Variants in SCML4 observed in about 807,000 individuals in gnomAD.
SCML4 encodes Scm polycomb group protein like 4, also known as sex comb on midleg-like protein 4.
In SCML4, 34 loss-of-function variants were observed where a neutral mutation model predicts 41.1. The ratio of observed to expected loss-of-function variants is 0.83; its 90% CI spans 0.63 to 1.10. The LOEUF is 1.10. SCML4 is among the 50% of genes least tolerant of loss of function. SCML4 has a pLI of 0.00. For synonymous variants in SCML4, 214 were observed against 220.9 expected (o/e 0.97, Z 0.28); for missense variants, 522 against 534.1 (o/e 0.98, Z 0.22).
chr6:107,727,155 G>C (rs1305911003), intron 5 of SCML4, among the ~76,000 whole-genome samples: 1 of 152,156 alleles, frequency 6.6e-6, no homozygotes, highest in African/African-American at 2.4e-5. Context: ...CCAGCCACAA[G>C]AGACCACATG....
intron 6 of SCML4, chr6:107,718,659 T>G (rs1360102981): frequency 1.3e-5 from 2 of 152,132 alleles, no homozygotes; most frequent in Non-Finnish European, 2.9e-5. Context: ...TGTTGTTGAG[T>G]GAGTGATAGA....
In SCML4 at chr6:107,726,532, C is replaced by CAAAAAAAAAAAAAAAAAA. The variant is rs59013088; in HGVS notation, c.683-5557_683-5540dup. On this transcript the variant is annotated intron_variant, in intron 5 of 7. Coordinates refer to ENST00000369020, the MANE Select transcript of SCML4 (RefSeq NM_198081.5). ...CGGGCAACAGACCGAGACTCCATCT[C>CAAAAAAAAAAAAAAAAAA]AAAAAAAAAAAAAAAAAAAAAAAGA... Among the ~76,000 whole-genome samples, 3 of 72,378 alleles carry CAAAAAAAAAAAAAAAAAA rather than the reference C, an allele frequency of 4.1e-5. 1 individual carries two copies. The highest frequency in any genetic ancestry group is 6.3e-5 in the African/African-American group (1 of 15,770). 47.5% of individuals were successfully genotyped at this position (72,378 alleles called of 152,430 possible).
intron 5 of SCML4, among the ~76,000 whole-genome samples, chr6:107,732,568 C>T (rs1344976291): frequency 3.9e-5 from 6 of 152,160 alleles, no homozygotes; most frequent in Admixed American, 3.9e-4. Flanking sequence ...TGTTCTAAGC[C>T]TAGGGGTTGA....
At chr6:107,800,686 C>T (rs997346245) in intron 1 of SCML4, among the ~76,000 whole-genome samples, 2 of 152,164 alleles carry the variant, frequency 1.3e-5, no homozygotes, top group African/African-American at 4.8e-5. Context: ...TTTCTTTCCC[C>T]CTCTCTGTTA....
intron 5 of SCML4, among the ~76,000 whole-genome samples, chr6:107,744,249 T>C (rs984088274): frequency 6.6e-6 from 1 of 152,156 alleles, no homozygotes; most frequent in East Asian, 1.9e-4. Context: ...CCTGTTGACA[T>C]CTAGCCCCTT....
At position 107,720,620 on chromosome 6, in the gene SCML4, T is replaced by TC. The variant is rs777603414; in HGVS notation, c.973+82dup. The TC allele has an allele frequency of 4.8e-6, 7 of 1,448,368 alleles. No homozygotes were observed. The Admixed American group carries it at 1.0e-4, about 21-fold the overall frequency. The allele number at this position is 1,448,368 out of a possible 1,614,324, so 89.7% of individuals were successfully genotyped here. On this transcript the variant is annotated intron_variant, in intron 6 of 7. Coordinates refer to ENST00000369020, the MANE Select transcript of SCML4 (RefSeq NM_198081.5). The stretch of plus-strand genomic sequence containing the variant: ...CAGTCCCACGTTTAAACAGCCACAC[T>TC]CCCCCTTCCCCAGATGCTGTGCTCC...
chr6:107,766,232 T>C (rs528079187), intron 2 of SCML4, among the ~76,000 whole-genome samples: 6 of 152,210 alleles, frequency 3.9e-5, no homozygotes, highest in African/African-American at 1.4e-4. Context: ...TAGCCGGGCG[T>C]GGTGGTGCAC....
chr6:107,734,536 C>T (rs1776867882), intron 5 of SCML4, among the ~76,000 whole-genome samples: 1 of 152,156 alleles, frequency 6.6e-6, no homozygotes, highest in African/African-American at 2.4e-5. Context: ...AATAGAGAAT[C>T]CATTTTAAAT....
At chr6:107,725,089 T>C (rs923267003) in intron 5 of SCML4, among the ~76,000 whole-genome samples, 2 of 152,206 alleles carry the variant, frequency 1.3e-5, no homozygotes, top group Non-Finnish European at 2.9e-5. Context: ...GTTACAAATA[T>C]ATGGTTTTAT....
At chr6:107,779,793 C>CA (rs1213526305) in intron 1 of SCML4, among the ~76,000 whole-genome samples, 1 of 152,158 alleles carries the variant, frequency 6.6e-6, no homozygotes, top group African/African-American at 2.4e-5. Flanking sequence ...TCCCAAGGAT[C>CA]AAAATGCACT....
the SCML4 span, among the ~76,000 whole-genome samples, chr6:107,834,519 G>T: frequency 6.6e-6 from 1 of 152,214 alleles, no homozygotes; most frequent in African/African-American, 2.4e-5. Context: ...ACACTGAAGT[G>T]GGGTTCAGAT....
At chr6:107,717,976 G>C (rs1774999851) in intron 6 of SCML4, among the ~76,000 whole-genome samples, 1 of 152,232 alleles carries the variant, frequency 6.6e-6, no homozygotes, top group African/African-American at 2.4e-5. Flanking sequence ...ATCCTGACAG[G>C]CAGAAGGGCC....
the SCML4 span, among the ~76,000 whole-genome samples, chr6:107,840,077 G>A: frequency 6.6e-5 from 10 of 152,194 alleles, no homozygotes; most frequent in Non-Finnish European, 1.5e-5. Context: ...CTCTGTAGTT[G>A]GATATTATAA....
At chr6:107,721,669 C>A (rs1321884037) in intron 5 of SCML4, among the ~76,000 whole-genome samples, 1 of 152,232 alleles carries the variant, frequency 6.6e-6, no homozygotes. Context: ...TGGCTCAGGA[C>A]TCCTGGGAGA....
chr6:107,830,795 A>G, the SCML4 span, among the ~76,000 whole-genome samples: 4 of 152,102 alleles, frequency 2.6e-5, no homozygotes, highest in Non-Finnish European at 5.9e-5. Flanking sequence ...TTGTTCCTTT[A>G]TTCTATTAAA....
At position 107,704,860 on chromosome 6, in the gene SCML4, G is replaced by T. The variant is rs142836349; in HGVS notation, c.*340C>A. Reference sequence around the variant, plus strand: ...GACAAAGGTCCTTCTTTCATCCTTTGAACCCTCCAGAACTCTCCTTGGGCA... The same window carrying T: ...GACAAAGGTCCTTCTTTCATCCTTTTAACCCTCCAGAACTCTCCTTGGGCA... On this transcript the variant is annotated 3_prime_UTR_variant, in exon 8 of 8. Transcript: ENST00000369020. The T allele has an allele frequency of 1.5e-5, 5 of 342,692 alleles. No homozygotes were observed. Among genetic ancestry groups the T allele is most frequent in the African/African-American group, 8.8e-5 (4 of 45,708 alleles). The allele number at this position is 342,692 out of a possible 1,614,324, so 21.2% of individuals were successfully genotyped here. A position where few individuals can be genotyped will look rare whatever the true frequency, so the allele number is the denominator to read the frequency against.
chr6:107,782,456 C>T (rs946796681), intron 1 of SCML4, among the ~76,000 whole-genome samples: 1 of 152,248 alleles, frequency 6.6e-6, no homozygotes, highest in African/African-American at 2.4e-5. Context: ...TCCATCCCTT[C>T]TTTTTAAATC....
chr6:107,813,191 G>A (rs1415082208), intron 1 of SCML4, among the ~76,000 whole-genome samples: 1 of 150,364 alleles, frequency 6.7e-6, no homozygotes, highest in Non-Finnish European at 1.5e-5. Context: ...ATGAAACCCC[G>A]TCTCTACCAA....
Position 107,756,412 on chromosome 6 carries a change from T to C in SCML4, c.157-6599A>G, listed in dbSNP as rs565113749. On this transcript the variant is annotated intron_variant, in intron 2 of 7. Coordinates refer to ENST00000369020, the MANE Select transcript of SCML4 (RefSeq NM_198081.5). ...AGAAAAACATTAGACAAACTGAAAT[T>C]GCAGAACACTTTACAAAATACCCAA... Among the ~76,000 whole-genome samples the C allele has an allele frequency of 4.6e-4, 70 of 152,234 alleles. No individual in the cohort carries two copies. In the South Asian group the frequency reaches 6.8e-3, roughly 15 times the overall value.
Sources: gnomAD v4.1 joint callset for allele counts (sites outside exome capture counted in the v4.1 genomes callset) on GRCh38, gnomAD v4.1.1 for gene constraint, MANE v1.5 for transcripts, NCBI Gene and HGNC (gene_info 2026-07-23, HGNC 2026-07-21) for gene names.